The following RORA variants were observed in gnomAD, a reference collection of about 807,000 sequenced individuals.
RORA encodes the protein RAR related orphan receptor A.
In RORA, 7 loss-of-function variants were observed where a neutral mutation model predicts 69.5. That is an observed-to-expected ratio of 0.10 (90% CI 0.06 to 0.19). The LOEUF is 0.19. RORA is among the 10% of genes least tolerant of loss of function. The probability of loss-of-function intolerance (pLI) is 1.00; values close to 1 mark genes in which losing one functional copy is unlikely to be tolerated. For synonymous variants in RORA, 261 were observed against 240.8 expected, an observed-to-expected ratio of 1.08 and a Z score of -0.78; for missense variants, 457 against 663.0, an observed-to-expected ratio of 0.69 and a Z score of 3.41.
intron 1 of RORA, among the ~76,000 whole-genome samples, chr15:60,919,748 T>C (rs1891986919): frequency 6.6e-6 from 1 of 152,210 alleles, no homozygotes; most frequent in Non-Finnish European, 1.5e-5. Context: ...AAAATCCATC[T>C]TTTCCTTAGG....
At chr15:60,762,757 A>G (rs938145401) in intron 1 of RORA, among the ~76,000 whole-genome samples, 1 of 152,170 alleles carries the variant, frequency 6.6e-6, no homozygotes, top group African/African-American at 2.4e-5. Flanking sequence ...TTATGTCTGC[A>G]AGGGGGACTA....
Position 60,617,120 on chromosome 15 carries a change from A to G in RORA, c.196+61537T>C, listed in dbSNP as rs549104411. On this transcript the variant is annotated intron_variant, in intron 2 of 10. Coordinates refer to ENST00000335670, the MANE Select transcript of RORA (RefSeq NM_134261.3). Reference sequence around the variant, plus strand: ...ACAACTTATCAGAGGCAGGGGTGATATGATGATATGTATTCTTTACTAGTG... The same window carrying G: ...ACAACTTATCAGAGGCAGGGGTGATGTGATGATATGTATTCTTTACTAGTG... Among the ~76,000 whole-genome samples, 3 of 152,314 alleles carry G rather than the reference A, an allele frequency of 2.0e-5. No homozygotes were observed. In the East Asian group the frequency reaches 5.8e-4, roughly 29 times the overall value.
chr15:60,780,526 T>C (rs1006710230), intron 1 of RORA, among the ~76,000 whole-genome samples: 1 of 152,266 alleles, frequency 6.6e-6, no homozygotes, highest in African/African-American at 2.4e-5. Flanking sequence ...AATGTAGTTT[T>C]ATTTGATGTT....
chr15:60,948,664 G>C (rs1892980321), intron 1 of RORA, among the ~76,000 whole-genome samples: 1 of 152,214 alleles, frequency 6.6e-6, no homozygotes, highest in Non-Finnish European at 1.5e-5. Flanking sequence ...CAAGTTATGT[G>C]ACTTGGTGAA....
intron 1 of RORA, among the ~76,000 whole-genome samples, chr15:61,090,909 A>G (rs2078696490): frequency 6.6e-6 from 1 of 152,018 alleles, no homozygotes; most frequent in Admixed American, 6.5e-5. Context: ...TATGAGTCTC[A>G]GAAGAGCTGA....
chr15:61,032,271 A>G, intron 1 of RORA, among the ~76,000 whole-genome samples: 1 of 152,330 alleles, frequency 6.6e-6, no homozygotes, highest in Admixed American at 6.5e-5. Context: ...AATGTGACCC[A>G]AATGTAATTT....
chr15:60,960,154 T>C (rs565795856), intron 1 of RORA, among the ~76,000 whole-genome samples: 1 of 152,326 alleles, frequency 6.6e-6, no homozygotes, highest in South Asian at 2.1e-4. Context: ...CTCCCTCTCA[T>C]TGCTACAAAG....
At chr15:60,752,525 G>C (rs1030073494) in intron 1 of RORA, among the ~76,000 whole-genome samples, 1 of 152,186 alleles carries the variant, frequency 6.6e-6, no homozygotes, top group South Asian at 2.1e-4. Context: ...GATGTGATTA[G>C]AGAGGATGAT....
intron 1 of RORA, among the ~76,000 whole-genome samples, chr15:60,706,605 C>T (rs572651656): frequency 3.3e-5 from 5 of 152,272 alleles, no homozygotes; most frequent in South Asian, 2.1e-4. Context: ...ATTTGTCCTG[C>T]TGCAAGTGCT....
intron 2 of RORA, among the ~76,000 whole-genome samples, chr15:60,577,518 T>G (rs2068060184): frequency 6.6e-6 from 1 of 151,814 alleles, no homozygotes; most frequent in Non-Finnish European, 1.5e-5. Flanking sequence ...GTGGTGCGTG[T>G]CTGTAATGTC....
At chr15:60,873,387 C>A (rs939181579) in intron 1 of RORA, among the ~76,000 whole-genome samples, 1 of 152,066 alleles carries the variant, frequency 6.6e-6, no homozygotes, top group Non-Finnish European at 1.5e-5. Flanking sequence ...AATGGTCATG[C>A]CCCTTAGATC....
At chr15:60,736,964 A>T (rs1390955019) in intron 1 of RORA, 3 of 152,152 alleles carry the variant, frequency 2.0e-5, no homozygotes, top group Non-Finnish European at 2.9e-5. Flanking sequence ...CTAGACCTTT[A>T]TTTACCACCG....
At chr15:60,817,525 T>C (rs1567201363) in intron 1 of RORA, among the ~76,000 whole-genome samples, 1 of 152,252 alleles carries the variant, frequency 6.6e-6, no homozygotes, top group East Asian at 1.9e-4. Context: ...GTCCCCAGGC[T>C]GTGCACCTGT....
intron 1 of RORA, among the ~76,000 whole-genome samples, chr15:60,722,113 T>C (rs2071301395): frequency 6.6e-6 from 1 of 152,374 alleles, no homozygotes; most frequent in African/African-American, 2.4e-5. Flanking sequence ...TCAGTTCACA[T>C]TATCATTATT....
intron 1 of RORA, among the ~76,000 whole-genome samples, chr15:61,110,477 G>C (rs770896167): frequency 1.3e-5 from 2 of 151,696 alleles, no homozygotes; most frequent in African/African-American, 2.4e-5. Flanking sequence ...ACTGGTTTGT[G>C]TATTTATTAT....
intron 1 of RORA, among the ~76,000 whole-genome samples, chr15:61,073,647 G>A (rs554175083): frequency 6.4e-4 from 97 of 152,284 alleles, no homozygotes; most frequent in African/African-American, 2.2e-3. Context: ...AATGAATCAC[G>A]TACCCGACTT....
At chr15:61,130,826 A>G (rs1457594791) in intron 1 of RORA, among the ~76,000 whole-genome samples, 1 of 152,228 alleles carries the variant, frequency 6.6e-6, no homozygotes, top group African/African-American at 2.4e-5. Flanking sequence ...CAAAATGTTC[A>G]TAATAAAATG....
chr15:61,004,282 AAG>A (rs35135599), intron 1 of RORA, among the ~76,000 whole-genome samples: 2 of 151,778 alleles, frequency 1.3e-5, no homozygotes, highest in South Asian at 2.1e-4. Context: ...GGGAGAGAGA[AAG>A]AGAGAGAGAC....
At chr15:60,601,619 T>C (rs1174876409) in intron 2 of RORA, among the ~76,000 whole-genome samples, 1 of 152,226 alleles carries the variant, frequency 6.6e-6, no homozygotes, top group Non-Finnish European at 1.5e-5. Flanking sequence ...AAGCACAAGA[T>C]ATATTTACTG....
Sources: allele counts gnomAD v4.1 joint callset (sites outside exome capture counted in the v4.1 genomes callset), GRCh38; gene constraint gnomAD v4.1.1; transcripts MANE v1.5; gene names NCBI Gene and HGNC (gene_info 2026-07-23, HGNC 2026-07-21).